PHACTR1: variants seen among roughly 807,000 people sequenced by gnomAD.
The protein encoded by PHACTR1 is RPEL repeat containing 1.
A neutral mutation model predicts 69.2 loss-of-function variants in PHACTR1; 16 were observed. That is an observed-to-expected ratio of 0.23 (90% CI 0.16 to 0.35). The LOEUF is 0.35. Ranked by LOEUF, PHACTR1 falls within the 10% of genes least tolerant of loss-of-function variation. The probability of loss-of-function intolerance (pLI) is 1.00; values close to 1 mark genes in which losing one functional copy is unlikely to be tolerated. For missense variants in PHACTR1, 510 were observed against 734.7 expected, an observed-to-expected ratio of 0.69 and a Z score of 3.54; for synonymous variants, 312 against 284.5, an observed-to-expected ratio of 1.10 and a Z score of -0.97.
intron 4 of PHACTR1, among the ~76,000 whole-genome samples, chr6:12,761,251 T>C (rs894498500): frequency 7.2e-5 from 11 of 152,228 alleles, no homozygotes; most frequent in African/African-American, 2.4e-4. Flanking sequence ...TGTCTAGCTG[T>C]GGCAAAACTA....
chr6:12,773,828 T>G (rs1769700475), intron 4 of PHACTR1, among the ~76,000 whole-genome samples: 1 of 152,260 alleles, frequency 6.6e-6, no homozygotes, highest in Non-Finnish European at 1.5e-5. Context: ...AAATCACTTC[T>G]TGTTTGGTGA....
At chr6:12,758,833 A>G (rs2127607615) in intron 4 of PHACTR1, among the ~76,000 whole-genome samples, 1 of 152,248 alleles carries the variant, frequency 6.6e-6, no homozygotes, top group African/African-American at 2.4e-5. Flanking sequence ...TTAAAAAAAG[A>G]AAATTGGGGC....
intron 4 of PHACTR1, among the ~76,000 whole-genome samples, chr6:12,762,766 T>C (rs1451979245): frequency 1.3e-5 from 2 of 152,354 alleles, no homozygotes; most frequent in Non-Finnish European, 2.9e-5. Context: ...TAGAAAATTC[T>C]TGTTTTTAAA....
chr6:13,211,158 G>T (rs998036177), intron 8 of PHACTR1, among the ~76,000 whole-genome samples: 1 of 151,960 alleles, frequency 6.6e-6, no homozygotes, highest in Non-Finnish European at 1.5e-5. Context: ...GAAACAGGTG[G>T]TTTTTGGTTA....
chr6:12,955,900 C>T (rs1023476888), intron 4 of PHACTR1, among the ~76,000 whole-genome samples: 29 of 152,182 alleles, frequency 1.9e-4, no homozygotes, highest in African/African-American at 6.5e-4. Context: ...TAAGAACAGT[C>T]ATTACCCCAT....
intron 4 of PHACTR1, among the ~76,000 whole-genome samples, chr6:12,870,441 T>G (rs553196500): frequency 2.7e-4 from 41 of 152,330 alleles, no homozygotes; most frequent in African/African-American, 9.4e-4. Flanking sequence ...ACTCCCCATT[T>G]GGAGAGGGAT....
chr6:12,957,707 A>G (rs1013425508), intron 4 of PHACTR1: 3 of 985,432 alleles, frequency 3.0e-6, no homozygotes, highest in African/African-American at 1.7e-5. Flanking sequence ...TAGAAAAGGG[A>G]TAAAATGGAC....
At chr6:13,091,165 A>G (rs1429994654) in intron 5 of PHACTR1, among the ~76,000 whole-genome samples, 3 of 151,794 alleles carry the variant, frequency 2.0e-5, no homozygotes, top group African/African-American at 7.3e-5. Context: ...CACCCGGCTA[A>G]TTTTTGTATT....
intron 5 of PHACTR1, among the ~76,000 whole-genome samples, chr6:13,137,167 T>C (rs1179097175): frequency 2.0e-5 from 3 of 152,216 alleles, no homozygotes; most frequent in African/African-American, 4.8e-5. Context: ...TTGGAGAGCA[T>C]TGGGGCAAAT....
chr6:12,987,275 AGAGTATTT>A (rs1203663374), intron 4 of PHACTR1, among the ~76,000 whole-genome samples: 1 of 152,204 alleles, frequency 6.6e-6, no homozygotes, highest in African/African-American at 2.4e-5. Context: ...ACAGCTCAAA[AGAGTATTT>A]GATTCAGCTC....
intron 8 of PHACTR1, among the ~76,000 whole-genome samples, chr6:13,226,739 A>AT (rs34995550): frequency 0.023 from 3,179 of 141,268 alleles, 92 homozygotes; most frequent in African/African-American, 0.07. Context: ...ACTTGTATAG[A>AT]TTTTTTTTTT....
chr6:12,846,094 A>C (rs1582058522), intron 4 of PHACTR1, among the ~76,000 whole-genome samples: 1 of 148,780 alleles, frequency 6.7e-6, no homozygotes. Context: ...ACAAACAAAC[A>C]AACTGAGTTC....
At chr6:13,189,641 C>G (rs1763249242) in intron 7 of PHACTR1, among the ~76,000 whole-genome samples, 1 of 152,148 alleles carries the variant, frequency 6.6e-6, no homozygotes, top group South Asian at 2.1e-4. Flanking sequence ...CTCAAGTGAT[C>G]CACCCATCTC....
intron 5 of PHACTR1, among the ~76,000 whole-genome samples, chr6:13,156,487 T>C (rs902671589): frequency 2.6e-5 from 4 of 152,210 alleles, no homozygotes; most frequent in African/African-American, 9.7e-5. Flanking sequence ...CAACTTTGAG[T>C]CATACACTTG....
rs370039653 is a variant in PHACTR1 at position 13,145,737 on chromosome 6, A to G, written c.416-14467A>G. On this transcript the variant is annotated intron_variant, in intron 5 of 14. Transcript: ENST00000332995. ...GTGAACACACAGCAAGAAGGCAGCCATCCGCAAGCCAGGAAGTGAGCCCTC... is the reference window on the plus strand; with the variant it reads ...GTGAACACACAGCAAGAAGGCAGCCGTCCGCAAGCCAGGAAGTGAGCCCTC... Among the ~76,000 whole-genome samples the G allele has an allele frequency of 5.9e-5, 9 of 152,310 alleles. No individual in the cohort carries two copies. The East Asian group carries it at 1.7e-3, about 29-fold the overall frequency.
intron 5 of PHACTR1, among the ~76,000 whole-genome samples, chr6:13,061,032 T>C (rs1392843401): frequency 6.6e-6 from 1 of 152,160 alleles, no homozygotes; most frequent in Non-Finnish European, 1.5e-5. Flanking sequence ...GAGAATCTGT[T>C]CATGCCTCTC....
intron 5 of PHACTR1, among the ~76,000 whole-genome samples, chr6:13,153,712 C>A (rs2113474631): frequency 6.6e-6 from 1 of 152,276 alleles, no homozygotes; most frequent in East Asian, 1.9e-4. Flanking sequence ...GTTGCCTTGG[C>A]CACCTTCTAA....
intron 4 of PHACTR1, among the ~76,000 whole-genome samples, chr6:12,990,606 T>C (rs757420695): frequency 4.5e-4 from 68 of 152,236 alleles, no homozygotes; most frequent in Admixed American, 9.2e-4. Context: ...TTTGTAAATT[T>C]AGCAAATGTA....
intron 5 of PHACTR1, among the ~76,000 whole-genome samples, chr6:13,064,565 T>A (rs1457427372): frequency 5.7e-4 from 1 of 1,752 alleles, no homozygotes; most frequent in African/African-American, 3.0e-3. Flanking sequence ...TATATATATA[T>A]ATATATATAT....
Sources: allele counts gnomAD v4.1 joint callset (sites outside exome capture counted in the v4.1 genomes callset), GRCh38; gene constraint gnomAD v4.1.1; transcripts MANE v1.5; gene names NCBI Gene and HGNC (gene_info 2026-07-23, HGNC 2026-07-21).